CARMIL1: variants seen among roughly 807,000 people sequenced by gnomAD.
CARMIL1 encodes the protein capping protein regulator and myosin 1 linker 1, also known as F-actin-uncapping protein LRRC16A.
A neutral mutation model predicts 177.1 loss-of-function variants in CARMIL1; 90 were observed. That is an observed-to-expected ratio of 0.51 (90% CI 0.43 to 0.61). The LOEUF (loss-of-function observed/expected upper bound fraction) is 0.61, where lower values mean the gene tolerates loss of function less well. Ranked by LOEUF, CARMIL1 falls within the 20% of genes least tolerant of loss-of-function variation. CARMIL1 has a pLI of 0.00. For missense variants in CARMIL1, 1,380 were observed against 1,667.0 expected (o/e 0.83, Z 3.00); for synonymous variants, 577 against 606.2 (o/e 0.95, Z 0.71).
At chr6:25,434,316 T>C (rs1233734339) in intron 4 of CARMIL1, among the ~76,000 whole-genome samples, 1 of 152,200 alleles carries the variant, frequency 6.6e-6, no homozygotes. Context: ...GTGACCGACC[T>C]GTCCTCCTTT....
intron 29 of CARMIL1, chr6:25,563,090 ATTAAG>A (rs1193117436): frequency 3.0e-5 from 9 of 303,654 alleles, no homozygotes; most frequent in Non-Finnish European, 4.3e-5. Context: ...GTCTAAATGA[ATTAAG>A]TTATTTACAA....
At chr6:25,344,064 CT>C in intron 2 of CARMIL1, among the ~76,000 whole-genome samples, 1 of 152,184 alleles carries the variant, frequency 6.6e-6, no homozygotes, top group Non-Finnish European at 1.5e-5. Context: ...GTCTCCAACA[CT>C]ACTTCTGTGA....
At chr6:25,438,711 G>A (rs554325611) in intron 5 of CARMIL1, among the ~76,000 whole-genome samples, 36 of 152,276 alleles carry the variant, frequency 2.4e-4, no homozygotes, top group Non-Finnish European at 4.3e-4. Flanking sequence ...TTCAAGAGGG[G>A]GCTGGAACCA....
intron 4 of CARMIL1, among the ~76,000 whole-genome samples, chr6:25,427,953 C>T (rs1796420261): frequency 1.3e-5 from 2 of 152,176 alleles, no homozygotes; most frequent in Admixed American, 1.3e-4. Context: ...GATATTTTCT[C>T]TCAGTCTGGT....
intron 2 of CARMIL1, among the ~76,000 whole-genome samples, chr6:25,385,000 A>G (rs56754422): frequency 0.037 from 5,646 of 152,120 alleles, 320 homozygotes; most frequent in African/African-American, 0.12. Context: ...TGTGCTGAGT[A>G]CTCTTTTAGA....
intron 2 of CARMIL1, chr6:25,393,317 G>A (rs1793059687): frequency 6.6e-6 from 1 of 152,160 alleles, no homozygotes; most frequent in African/African-American, 2.4e-5. Context: ...AGCACTTTGG[G>A]AGGTCGAGGC....
intron 2 of CARMIL1, among the ~76,000 whole-genome samples, chr6:25,297,453 T>G (rs754608047): frequency 6.6e-6 from 1 of 152,240 alleles, no homozygotes; most frequent in Non-Finnish European, 1.5e-5. Context: ...CTTAACCCTC[T>G]ATCATTTTAC....
At chr6:25,560,320 TA>T (rs1810991735) in intron 29 of CARMIL1, among the ~76,000 whole-genome samples, 5 of 152,142 alleles carry the variant, frequency 3.3e-5, no homozygotes, top group Admixed American at 2.0e-4. Flanking sequence ...GTTCAGGTGG[TA>T]GGACACAGTG....
chr6:25,293,428 C>G (rs2150150151), intron 2 of CARMIL1, among the ~76,000 whole-genome samples: 1 of 152,000 alleles, frequency 6.6e-6, no homozygotes, highest in Non-Finnish European at 1.5e-5. Flanking sequence ...CTCTGTCATC[C>G]AAGCTGGAGT....
intron 2 of CARMIL1, among the ~76,000 whole-genome samples, chr6:25,347,835 A>G (rs978108595): frequency 9.2e-5 from 14 of 152,188 alleles, no homozygotes; most frequent in Admixed American, 2.0e-4. Flanking sequence ...TCAGGTTCTC[A>G]TCCAGGATAT....
chr6:25,462,987 G>A (rs1582039385), intron 8 of CARMIL1, among the ~76,000 whole-genome samples: 1 of 152,150 alleles, frequency 6.6e-6, no homozygotes, highest in South Asian at 2.1e-4. Flanking sequence ...AGAAGCCTAG[G>A]CATTAACACA....
rs191393418 is a variant in CARMIL1, at chr6:25,301,960, C to T, written c.138+17051C>T. Among the ~76,000 whole-genome samples the T allele has an allele frequency of 1.6e-3, 241 of 152,248 alleles. 1 individual carries two copies. The highest frequency in any genetic ancestry group is 5.4e-3 in the African/African-American group (225 of 41,540). On this transcript the variant is annotated intron_variant, in intron 2 of 36. Coordinates refer to ENST00000329474, the MANE Select transcript of CARMIL1 (RefSeq NM_017640.6). The stretch of plus-strand genomic sequence containing the variant: ...GTTGCTTTGCCTCCAATAACATTTT[C>T]CTTAACATTTCCTGTTAGAGCCTCT...
intron 2 of CARMIL1, among the ~76,000 whole-genome samples, chr6:25,366,162 A>T (rs1341421808): frequency 5.2e-5 from 6 of 115,712 alleles, no homozygotes; most frequent in African/African-American, 2.0e-4. Context: ...CTGGCTAATT[A>T]AAAAAAAAAA....
At chr6:25,288,295 A>G (rs985991346) in intron 2 of CARMIL1, among the ~76,000 whole-genome samples, 5 of 152,160 alleles carry the variant, frequency 3.3e-5, no homozygotes, top group Non-Finnish European at 5.9e-5. Context: ...AGGGTAGAGA[A>G]TGGGCAGGTG....
At chr6:25,560,103 G>A (rs1030899470) in intron 29 of CARMIL1, among the ~76,000 whole-genome samples, 4 of 152,186 alleles carry the variant, frequency 2.6e-5, no homozygotes, top group Non-Finnish European at 4.4e-5. Flanking sequence ...TTGACTAAGC[G>A]AAGGCTGAAG....
At position 25,577,125 on chromosome 6, in the gene CARMIL1, G is replaced by T. The variant is rs765021386; in HGVS notation, c.2743-3799G>T. On this transcript the variant is annotated intron_variant, in intron 29 of 36. Coordinates refer to ENST00000329474, the MANE Select transcript of CARMIL1 (RefSeq NM_017640.6). The surrounding 1 kb of genome is among the most constrained non-coding windows in gnomAD (Gnocchi z 4.5). Reference sequence around the variant, plus strand: ...TGTCATCCATCTGCAGATCCTGAATGAAATAGGCAACAATTTAGAGACAAG... The same window carrying T: ...TGTCATCCATCTGCAGATCCTGAATTAAATAGGCAACAATTTAGAGACAAG... 1.1e-5 allele frequency: 11 copies of T among 985,320 alleles called. No homozygotes were observed. The highest frequency in any genetic ancestry group is 1.3e-5 in the Non-Finnish European group (11 of 829,888). 61.0% of individuals were successfully genotyped at this position (985,320 alleles called of 1,614,324 possible).
At chr6:25,319,138 A>C (rs933920758) in intron 2 of CARMIL1, among the ~76,000 whole-genome samples, 3 of 152,188 alleles carry the variant, frequency 2.0e-5, no homozygotes, top group Non-Finnish European at 4.4e-5. Context: ...ATCCTACTCA[A>C]GCCTATAGAA....
At chr6:25,446,734 C>T (rs1798271396) in intron 5 of CARMIL1, among the ~76,000 whole-genome samples, 1 of 152,116 alleles carries the variant, frequency 6.6e-6, no homozygotes, top group Admixed American at 6.5e-5. Flanking sequence ...CTTGGCTTTC[C>T]ATGTGCCTTT....
intron 26 of CARMIL1, among the ~76,000 whole-genome samples, chr6:25,541,678 G>A (rs1054256934): frequency 6.6e-6 from 1 of 152,010 alleles, no homozygotes. Flanking sequence ...TTTTGAGATG[G>A]TGTGTAGCTC....
Sources: allele counts gnomAD v4.1 joint callset (sites outside exome capture counted in the v4.1 genomes callset), GRCh38; gene constraint gnomAD v4.1.1; non-coding constraint Gnocchi (gnomAD v3.1); transcripts MANE v1.5; gene names NCBI Gene and HGNC (gene_info 2026-07-23, HGNC 2026-07-21).